The following CHN1 variants were observed in gnomAD, a reference collection of about 807,000 sequenced individuals.
The protein encoded by CHN1 is N-chimaerin.
CHN1 carries 37 observed loss-of-function variants against 59.5 expected under a neutral mutation model. That is an observed-to-expected ratio of 0.62 (90% confidence interval 0.48 to 0.82). The LOEUF is 0.82. Among genes scored for constraint, CHN1 ranks in the 40% least tolerant of loss-of-function variants. CHN1 has a pLI of 0.00. For synonymous variants in CHN1, 206 were observed against 200.4 expected (o/e 1.03, Z -0.24); for missense variants, 469 against 571.0 (o/e 0.82, Z 1.82).
chr2:174,877,381 T>TAC (rs1228007343), intron 6 of CHN1, among the ~76,000 whole-genome samples: 4 of 151,924 alleles, frequency 2.6e-5, no homozygotes, highest in African/African-American at 7.2e-5. Flanking sequence ...TGTGTATACA[T>TAC]ACACACACAC....
intron 7 of CHN1, among the ~76,000 whole-genome samples, chr2:174,840,356 AGGTCTCTCTATGTTGCCCAGGCT>A (rs1477005813): frequency 6.6e-6 from 1 of 151,774 alleles, no homozygotes; most frequent in Admixed American, 6.6e-5. Flanking sequence ...TGTAAAGACA[AGGTCTCTCTATGTTGCCCAGGCT>A]GGTCTTAAAC....
At chr2:174,846,632 C>CTT (rs978646848) in intron 7 of CHN1, among the ~76,000 whole-genome samples, 1 of 152,134 alleles carries the variant, frequency 6.6e-6, no homozygotes. Flanking sequence ...TCAGTCAAGA[C>CTT]TTTTACCAGT....
intron 6 of CHN1, among the ~76,000 whole-genome samples, chr2:174,875,410 G>A (rs1326965529): frequency 6.6e-6 from 1 of 152,036 alleles, no homozygotes; most frequent in African/African-American, 2.4e-5. Flanking sequence ...ATTCCTTTTG[G>A]TACTATTGTT....
At chr2:174,853,196 G>A (rs868773630) in intron 6 of CHN1, among the ~76,000 whole-genome samples, 19 of 152,084 alleles carry the variant, frequency 1.2e-4, no homozygotes, top group Middle Eastern at 3.4e-3. Flanking sequence ...CTATGCACCC[G>A]GCAAAGGTCG....
At chr2:174,869,169 T>G (rs998511224) in intron 6 of CHN1, among the ~76,000 whole-genome samples, 1 of 152,206 alleles carries the variant, frequency 6.6e-6, no homozygotes, top group Admixed American at 6.5e-5. Flanking sequence ...TGTTGTGTAC[T>G]CAAATTTACT....
chr2:174,887,188 T>C (rs1336510614), intron 5 of CHN1, among the ~76,000 whole-genome samples: 1 of 152,196 alleles, frequency 6.6e-6, no homozygotes, highest in African/African-American at 2.4e-5. Context: ...TTTCTGACTA[T>C]GGAAAAGCAA....
chr2:174,961,935 T>G (rs1426727123), intron 1 of CHN1, among the ~76,000 whole-genome samples: 1 of 152,198 alleles, frequency 6.6e-6, no homozygotes, highest in Non-Finnish European at 1.5e-5. Context: ...AGAATGAGTA[T>G]TTTAAACCGT....
chr2:175,004,820 G>A, intron 1 of CHN1, 74 bp downstream of exon 1: 4 of 1,020,424 alleles, frequency 3.9e-6, no homozygotes, highest in African/African-American at 1.7e-5. Flanking sequence ...GGGCGCCCAG[G>A]CCCCCCAGGC....
At chr2:174,887,350 T>C (rs1687923663) in intron 5 of CHN1, among the ~76,000 whole-genome samples, 1 of 152,168 alleles carries the variant, frequency 6.6e-6, no homozygotes, top group Non-Finnish European at 1.5e-5. Context: ...TTGTAATGGC[T>C]AATAAGCAAA....
intron 6 of CHN1, chr2:174,875,704 A>C: frequency 5.6e-6 from 3 of 534,342 alleles, no homozygotes; most frequent in Non-Finnish European, 7.2e-6. Context: ...GGTTTTAGCT[A>C]TTAAGGGCCC....
intron 6 of CHN1, among the ~76,000 whole-genome samples, chr2:174,860,003 G>T (rs896905196): frequency 1.3e-5 from 2 of 152,104 alleles, no homozygotes; most frequent in African/African-American, 4.8e-5. Flanking sequence ...GAGGTAAAGT[G>T]ATATGTTGAT....
chr2:174,904,859 C>G (rs1351486067), intron 5 of CHN1, among the ~76,000 whole-genome samples: 1 of 152,072 alleles, frequency 6.6e-6, no homozygotes, highest in African/African-American at 2.4e-5. Flanking sequence ...ACAGAGGTTA[C>G]GGGTTACAAG....
intron 7 of CHN1, among the ~76,000 whole-genome samples, chr2:174,825,671 C>G (rs565877227): frequency 4.6e-5 from 7 of 152,280 alleles, no homozygotes; most frequent in African/African-American, 1.4e-4. Context: ...CAGTACATTA[C>G]AATTGATTCC....
At chr2:174,973,220 T>C (rs1213754160) in intron 1 of CHN1, among the ~76,000 whole-genome samples, 1 of 152,226 alleles carries the variant, frequency 6.6e-6, no homozygotes, top group East Asian at 1.9e-4. Flanking sequence ...TCCTTCCTAC[T>C]ATAACCCATG....
chr2:174,846,857 A>G, intron 7 of CHN1, 23 bp downstream of exon 7: 1 of 1,530,728 alleles, frequency 6.5e-7, no homozygotes, highest in Non-Finnish European at 8.8e-7. Flanking sequence ...ATTTCTTAAA[A>G]GACTAAAAGC....
intron 6 of CHN1, among the ~76,000 whole-genome samples, chr2:174,863,406 AT>A (rs1414003707): frequency 6.6e-6 from 1 of 152,200 alleles, no homozygotes; most frequent in African/African-American, 2.4e-5. Context: ...ACACAGAAGC[AT>A]TTATGAGAAC....
intron 6 of CHN1, among the ~76,000 whole-genome samples, chr2:174,866,584 G>A (rs938689048): frequency 1.3e-5 from 2 of 152,132 alleles, no homozygotes; most frequent in Admixed American, 6.5e-5. Flanking sequence ...GAAATACTTG[G>A]TAATTAGAAT....
chr2:174,980,497 G>A (rs974198105), intron 1 of CHN1, among the ~76,000 whole-genome samples: 1 of 151,842 alleles, frequency 6.6e-6, no homozygotes, highest in East Asian at 1.9e-4. Context: ...TTAAAATTAT[G>A]ATTTTAAAAT....
At chr2:174,918,961 T>C (rs1688925233) in intron 3 of CHN1, among the ~76,000 whole-genome samples, 1 of 152,134 alleles carries the variant, frequency 6.6e-6, no homozygotes, top group South Asian at 2.1e-4. Context: ...AGACTCTCCA[T>C]TCAGTTAGCA....
Sources: allele counts gnomAD v4.1 joint callset (sites outside exome capture counted in the v4.1 genomes callset), GRCh38; gene constraint gnomAD v4.1.1; transcripts MANE v1.5; gene names NCBI Gene and HGNC (gene_info 2026-07-23, HGNC 2026-07-21).